The following ROBO2 variants were observed in gnomAD, a reference collection of about 807,000 sequenced individuals.
ROBO2 encodes the protein roundabout homolog 2.
A neutral mutation model predicts 160.8 loss-of-function variants in ROBO2; 53 were observed. The observed-to-expected ratio is 0.33, with a 90% CI of 0.26 to 0.41. ROBO2 has a LOEUF of 0.41. Among genes scored for constraint, ROBO2 ranks in the 10% least tolerant of loss-of-function variants. ROBO2 has a pLI of 1.00. For synonymous variants in ROBO2, 664 were observed against 611.7 expected, an observed-to-expected ratio of 1.09 and a Z score of -1.26; for missense variants, 1,577 against 1,722.4, an observed-to-expected ratio of 0.92 and a Z score of 1.49.
At chr3:76,569,627 T>C (rs529265335) in intron 2 of ROBO2, among the ~76,000 whole-genome samples, 7 of 152,304 alleles carry the variant, frequency 4.6e-5, no homozygotes, top group African/African-American at 1.7e-4. Context: ...CTTTGTTAAG[T>C]TGTATAATCC....
In ROBO2 at chr3:76,871,119, T is replaced by C. The variant is rs537955865; in HGVS notation, c.110-226895T>C. Among the ~76,000 whole-genome samples the C allele has an allele frequency of 1.7e-3, 261 of 152,330 alleles. 1 individual carries two copies. The highest frequency in any genetic ancestry group is 5.6e-3 in the African/African-American group (232 of 41,572). Reference sequence around the variant, plus strand: ...TTTTGTGTCATGCAGTGATTTGCTCTTGTCAGGCACAAGGAATGTATTCCT... The same window carrying C: ...TTTTGTGTCATGCAGTGATTTGCTCCTGTCAGGCACAAGGAATGTATTCCT... On this transcript the variant is annotated intron_variant, in intron 2 of 26. Transcript: ENST00000487694.
intron 2 of ROBO2, among the ~76,000 whole-genome samples, chr3:75,943,045 A>G (rs1948127416): frequency 6.6e-6 from 1 of 152,044 alleles, no homozygotes; most frequent in African/African-American, 2.4e-5. Context: ...TTTCTTTTTT[A>G]TAATTTAGAT....
At chr3:76,669,611 A>C (rs921654656) in intron 2 of ROBO2, among the ~76,000 whole-genome samples, 8 of 152,150 alleles carry the variant, frequency 5.3e-5, no homozygotes, top group Non-Finnish European at 7.4e-5. Context: ...TAGATAAGGA[A>C]GTCAAATGTT....
chr3:77,322,636 A>G (rs2153432670), intron 2 of ROBO2, among the ~76,000 whole-genome samples: 1 of 151,036 alleles, frequency 6.6e-6, no homozygotes, highest in South Asian at 2.1e-4. Flanking sequence ...TAATATCCAC[A>G]CTTGGTTGGA....
intron 2 of ROBO2, among the ~76,000 whole-genome samples, chr3:75,959,050 T>C (rs1389964704): frequency 6.6e-6 from 1 of 151,816 alleles, no homozygotes; most frequent in African/African-American, 2.4e-5. Flanking sequence ...GAACTATTTC[T>C]TTACTTTTAA....
At chr3:76,179,668 T>A (rs1026176709) in intron 2 of ROBO2, among the ~76,000 whole-genome samples, 1 of 152,122 alleles carries the variant, frequency 6.6e-6, no homozygotes, top group Non-Finnish European at 1.5e-5. Flanking sequence ...ATAATCAAGG[T>A]GATACTACAG....
intron 2 of ROBO2, among the ~76,000 whole-genome samples, chr3:76,121,476 G>C (rs1168898191): frequency 6.6e-6 from 1 of 152,120 alleles, no homozygotes; most frequent in Non-Finnish European, 1.5e-5. Flanking sequence ...CAGATGTACA[G>C]CTATTTGTCA....
At chr3:76,605,591 G>A (rs1360440010) in intron 2 of ROBO2, among the ~76,000 whole-genome samples, 1 of 152,096 alleles carries the variant, frequency 6.6e-6, no homozygotes, top group Non-Finnish European at 1.5e-5. Flanking sequence ...GGAAAGTTGG[G>A]TAGTCAGATC....
rs568265788 is a variant in ROBO2 at position 76,072,454 on chromosome 3, C to A, written c.109+134852C>A. ...ATATTATGTTGAATATAAAATAAAA[C>A]TTGAGAGATGCATTTACCAGTTTAT... On this transcript the variant is annotated intron_variant, in intron 2 of 26. Transcript: ENST00000487694. 3.3e-5 allele frequency among the ~76,000 whole-genome samples: 5 copies of A among 152,000 alleles called. No homozygotes were observed. The East Asian group carries it at 9.7e-4, about 29-fold the overall frequency.
chr3:77,435,611 T>A (rs1438710742), intron 2 of ROBO2, among the ~76,000 whole-genome samples: 1 of 151,834 alleles, frequency 6.6e-6, no homozygotes, highest in Non-Finnish European at 1.5e-5. Flanking sequence ...ATGCATCAGT[T>A]TAGCACTATT....
At chr3:77,073,372 T>A (rs2067613464) in intron 1 of ROBO2, among the ~76,000 whole-genome samples, 1 of 152,186 alleles carries the variant, frequency 6.6e-6, no homozygotes, top group Non-Finnish European at 1.5e-5. Context: ...AAGTCACCTG[T>A]AGGGCGAAGT....
At chr3:76,813,254 A>G (rs1252202038) in intron 2 of ROBO2, among the ~76,000 whole-genome samples, 2 of 152,074 alleles carry the variant, frequency 1.3e-5, no homozygotes, top group Non-Finnish European at 2.9e-5. Context: ...TTGAAACTTT[A>G]ACCTTCATTG....
chr3:76,909,758 A>G (rs1347823888), intron 2 of ROBO2, among the ~76,000 whole-genome samples: 1 of 152,204 alleles, frequency 6.6e-6, no homozygotes, highest in East Asian at 1.9e-4. Flanking sequence ...AAAAGTTAAG[A>G]CAAATTTTAT....
At chr3:76,558,635 T>C (rs984615404) in intron 2 of ROBO2, among the ~76,000 whole-genome samples, 2 of 152,146 alleles carry the variant, frequency 1.3e-5, no homozygotes, top group Non-Finnish European at 1.5e-5. Context: ...TTTTTTTAGA[T>C]GTTGTACAGA....
chr3:76,208,162 G>C (rs1218541117), intron 2 of ROBO2, among the ~76,000 whole-genome samples: 2 of 152,096 alleles, frequency 1.3e-5, no homozygotes, highest in African/African-American at 4.8e-5. Flanking sequence ...GTGGAGCCAT[G>C]AGCCAATTAG....
At chr3:76,317,642 A>G (rs1389603525) in intron 2 of ROBO2, among the ~76,000 whole-genome samples, 2 of 152,170 alleles carry the variant, frequency 1.3e-5, no homozygotes, top group Non-Finnish European at 2.9e-5. Flanking sequence ...AAATAGATTT[A>G]ATACCTTATC....
intron 2 of ROBO2, among the ~76,000 whole-genome samples, chr3:77,473,537 T>C (rs1243825764): frequency 2.2e-5 from 3 of 139,480 alleles, no homozygotes; most frequent in Non-Finnish European, 3.0e-5. Flanking sequence ...CACTGCAAGC[T>C]CCGCCTCCCG....
intron 2 of ROBO2, among the ~76,000 whole-genome samples, chr3:76,576,032 T>C (rs2085267301): frequency 6.6e-6 from 1 of 152,086 alleles, no homozygotes; most frequent in African/African-American, 2.4e-5. Flanking sequence ...TGCATAAACA[T>C]ATATTTAGGG....
chr3:77,267,621 T>A (rs1233150301), intron 2 of ROBO2, among the ~76,000 whole-genome samples: 1 of 152,136 alleles, frequency 6.6e-6, no homozygotes, highest in Non-Finnish European at 1.5e-5. Flanking sequence ...TGAAGAAAAA[T>A]AAATAAAACA....
Sources: allele counts gnomAD v4.1 joint callset (sites outside exome capture counted in the v4.1 genomes callset), GRCh38; gene constraint gnomAD v4.1.1; transcripts MANE v1.5; gene names NCBI Gene and HGNC (gene_info 2026-07-23, HGNC 2026-07-21).